Variants in SUGCT observed in about 807,000 individuals in gnomAD.
SUGCT encodes the protein succinyl-CoA:glutarate CoA-transferase.
SUGCT carries 41 observed loss-of-function variants against 55.0 expected under a neutral mutation model. That is an observed-to-expected ratio of 0.74 (90% CI 0.58 to 0.97). The LOEUF (loss-of-function observed/expected upper bound fraction) is 0.97, where lower values mean the gene tolerates loss of function less well. Among genes scored for constraint, SUGCT ranks in the 50% least tolerant of loss-of-function variants. SUGCT has a pLI of 0.00. For synonymous variants in SUGCT, 187 were observed against 200.4 expected, an observed-to-expected ratio of 0.93 and a Z score of 0.56; for missense variants, 568 against 547.8, an observed-to-expected ratio of 1.04 and a Z score of -0.37.
At chr7:40,777,410 C>G (rs537945565) in intron 13 of SUGCT, among the ~76,000 whole-genome samples, 10 of 150,968 alleles carry the variant, frequency 6.6e-5, no homozygotes, top group African/African-American at 2.4e-4. Context: ...GAGCCACATT[C>G]TGATGTGAAT....
At chr7:40,413,349 G>A (rs1163325394) in intron 9 of SUGCT, among the ~76,000 whole-genome samples, 1 of 152,046 alleles carries the variant, frequency 6.6e-6, no homozygotes. Context: ...CCTCCTTCCT[G>A]GAGCTCCTGC....
intron 12 of SUGCT, among the ~76,000 whole-genome samples, chr7:40,721,215 C>T (rs933040133): frequency 7.2e-5 from 11 of 151,868 alleles, no homozygotes; most frequent in Non-Finnish European, 1.5e-4. Context: ...CTTGATTTTT[C>T]TTTTTTTTAA....
chr7:40,913,693 A>T, the SUGCT span, among the ~76,000 whole-genome samples: 2 of 152,100 alleles, frequency 1.3e-5, no homozygotes, highest in Non-Finnish European at 2.9e-5. Context: ...GGACTCATCT[A>T]GTTGTCTTTG....
At chr7:40,299,603 A>AT (rs1045584852) in intron 8 of SUGCT, among the ~76,000 whole-genome samples, 9 of 151,936 alleles carry the variant, frequency 5.9e-5, no homozygotes, top group East Asian at 3.9e-4. Flanking sequence ...AAGAAAACTG[A>AT]TTTTTTTATA....
intron 12 of SUGCT, among the ~76,000 whole-genome samples, chr7:40,625,448 C>T (rs188002361): frequency 1.3e-5 from 2 of 152,180 alleles, no homozygotes; most frequent in Admixed American, 1.3e-4. Context: ...TACGCCTTAC[C>T]AAGTTGGGCA....
At chr7:40,756,569 C>T (rs1459524625) in intron 13 of SUGCT, among the ~76,000 whole-genome samples, 1 of 152,136 alleles carries the variant, frequency 6.6e-6, no homozygotes, top group Non-Finnish European at 1.5e-5. Flanking sequence ...TCTGAAATCA[C>T]ATGTCCTCAA....
the SUGCT span, among the ~76,000 whole-genome samples, chr7:40,892,186 G>A: frequency 6.6e-6 from 1 of 151,986 alleles, no homozygotes; most frequent in Non-Finnish European, 1.5e-5. Flanking sequence ...TATATAAAAG[G>A]CGTAAATTTT....
At chr7:40,919,080 T>C in the SUGCT span, among the ~76,000 whole-genome samples, 3 of 152,218 alleles carry the variant, frequency 2.0e-5, no homozygotes, top group African/African-American at 4.8e-5. Flanking sequence ...GAGTTTTATC[T>C]TTCCTCTCTA....
intron 13 of SUGCT, among the ~76,000 whole-genome samples, chr7:40,788,429 T>C (rs1790144753): frequency 6.6e-6 from 1 of 152,212 alleles, no homozygotes; most frequent in Non-Finnish European, 1.5e-5. Context: ...TGGAATTACC[T>C]GGCAAAAGTT....
chr7:40,551,307 T>G (rs1164419767), intron 12 of SUGCT, among the ~76,000 whole-genome samples: 1 of 152,234 alleles, frequency 6.6e-6, no homozygotes, highest in Non-Finnish European at 1.5e-5. Flanking sequence ...AATATAACGT[T>G]CTATTTATTT....
intron 9 of SUGCT, among the ~76,000 whole-genome samples, chr7:40,370,101 A>T (rs1784215956): frequency 6.6e-6 from 1 of 152,132 alleles, no homozygotes; most frequent in South Asian, 2.1e-4. Flanking sequence ...TTTACCCACT[A>T]GTGGGAATGT....
the SUGCT span, among the ~76,000 whole-genome samples, chr7:40,907,873 T>C: frequency 1.3e-5 from 2 of 152,210 alleles, no homozygotes; most frequent in South Asian, 2.1e-4. Context: ...GAAAAGTTTA[T>C]TAATTTATTT....
intron 1 of SUGCT, among the ~76,000 whole-genome samples, chr7:40,171,920 G>A (rs567196981): frequency 3.9e-4 from 60 of 152,156 alleles, no homozygotes; most frequent in Non-Finnish European, 6.8e-4. Context: ...GGCTTTTAAA[G>A]GAATAGGGTA....
At chr7:40,293,865 G>T (rs893060546) in intron 8 of SUGCT, among the ~76,000 whole-genome samples, 1 of 152,118 alleles carries the variant, frequency 6.6e-6, no homozygotes, top group Non-Finnish European at 1.5e-5. Context: ...TTGTCTGGGG[G>T]ATAGTTCTGT....
the SUGCT span, among the ~76,000 whole-genome samples, chr7:40,899,477 C>T: frequency 6.6e-6 from 1 of 152,158 alleles, no homozygotes; most frequent in African/African-American, 2.4e-5. Context: ...ACACGCGACT[C>T]AAGAGGCAAC....
At chr7:40,185,813 A>G (rs10242519) in intron 3 of SUGCT, among the ~76,000 whole-genome samples, 58,829 of 151,946 alleles carry the variant, frequency 0.39, 12,791 homozygotes, top group Middle Eastern at 0.59. Context: ...GCGAGCCACC[A>G]CATCTGGCCT....
intron 12 of SUGCT, among the ~76,000 whole-genome samples, chr7:40,556,870 A>C (rs2151651979): frequency 6.6e-6 from 1 of 152,354 alleles, no homozygotes; most frequent in East Asian, 1.9e-4. Flanking sequence ...AATACACATA[A>C]GTAAATGGAA....
chr7:40,482,535 A>G (rs1791110511), intron 11 of SUGCT, among the ~76,000 whole-genome samples: 1 of 152,154 alleles, frequency 6.6e-6, no homozygotes, highest in Admixed American at 6.6e-5. Context: ...CTTTACCAGT[A>G]GTTCTTCACA....
chr7:40,541,079 T>C (rs1057324550), intron 12 of SUGCT, among the ~76,000 whole-genome samples: 2 of 152,090 alleles, frequency 1.3e-5, no homozygotes, highest in Admixed American at 1.3e-4. Flanking sequence ...AATTTGGCAG[T>C]GGGTGAAGAG....
Sources: allele counts gnomAD v4.1 joint callset (sites outside exome capture counted in the v4.1 genomes callset), GRCh38; gene constraint gnomAD v4.1.1; transcripts MANE v1.5; gene names NCBI Gene and HGNC (gene_info 2026-07-23, HGNC 2026-07-21).